SEMA3D: variants seen among roughly 807,000 people sequenced by gnomAD.
SEMA3D encodes semaphorin-3D.
In SEMA3D, 84 loss-of-function variants were observed where a neutral mutation model predicts 100.1. That is an observed-to-expected ratio of 0.84 (90% CI 0.70 to 1.01). The LOEUF is 1.01. Ranked by LOEUF, SEMA3D falls within the 50% of genes least tolerant of loss-of-function variation. SEMA3D has a pLI of 0.00. For missense variants in SEMA3D, 875 were observed against 934.1 expected (o/e 0.94, Z 0.82); for synonymous variants, 312 against 320.7 (o/e 0.97, Z 0.29).
At chr7:85,050,498 T>C (rs1284058711) in intron 9 of SEMA3D, 2 of 312,004 alleles carry the variant, frequency 6.4e-6, no homozygotes, top group Non-Finnish European at 1.2e-5. Flanking sequence ...CTCTACCATG[T>C]ATAATTATAA....
At chr7:85,179,421 G>C (rs950381867) in intron 1 of SEMA3D, among the ~76,000 whole-genome samples, 1 of 152,184 alleles carries the variant, frequency 6.6e-6, no homozygotes, top group Non-Finnish European at 1.5e-5. Flanking sequence ...ACCTGGATAT[G>C]AGACATGGAG....
Position 85,015,213 on chromosome 7 carries a change from G to A in SEMA3D, c.1549C>T (p.Gln517Ter). The change falls in exon 16 of 19, where the codon CAA (glutamine) becomes TAA (stop). Residue 517 changes from glutamine (Q) to a stop codon, truncating the protein, a stop_gained. Coordinates refer to ENST00000284136, the MANE Select transcript of SEMA3D (RefSeq NM_001384900.1). LOFTEE classifies it high-confidence loss of function. ...CCATCTCGGGAACCAATGTACAATT[G>A]TTGCTGCAAATCGGGCAAAACAAAT... ...LNMELSLKQQ[Q>*]LYIGSRDGLV... 5 of 1,605,690 alleles carry A rather than the reference G, an allele frequency of 3.1e-6. No homozygotes were observed. The highest frequency in any genetic ancestry group is 4.3e-6 in the Non-Finnish European group (5 of 1,173,764).
rs552222600 is a variant in SEMA3D at position 85,129,060 on chromosome 7, T to G, written c.-40-7129A>C. Among the ~76,000 whole-genome samples the G allele has an allele frequency of 5.9e-5, 9 of 151,880 alleles. No individual in the cohort carries two copies. In the South Asian group the frequency reaches 1.9e-3, roughly 32 times the overall value. ...GCATGTGCCACTTGCCCAGCTAATT[T>G]TTTTTTGTAGAGATAGGGTCTCACT... On this transcript the variant is annotated intron_variant, in intron 2 of 18. Coordinates refer to ENST00000284136, the MANE Select transcript of SEMA3D (RefSeq NM_001384900.1).
chr7:85,216,872 G>A, the SEMA3D span, among the ~76,000 whole-genome samples: 1 of 151,448 alleles, frequency 6.6e-6, no homozygotes, highest in East Asian at 1.9e-4. Context: ...GAATTCTTAA[G>A]ATCTCCCACC....
At chr7:85,235,554 T>G in the SEMA3D span, among the ~76,000 whole-genome samples, 10,261 of 152,196 alleles carry the variant, frequency 0.067, 922 homozygotes, top group African/African-American at 0.2. Context: ...AGGGAATAAT[T>G]TTTCTTTATT....
chr7:85,176,065 G>A (rs1210784202), intron 1 of SEMA3D, among the ~76,000 whole-genome samples: 8 of 150,698 alleles, frequency 5.3e-5, no homozygotes, highest in African/African-American at 1.5e-4. Flanking sequence ...ATTGATAGAA[G>A]TTTAAAAAAA....
intron 2 of SEMA3D, among the ~76,000 whole-genome samples, chr7:85,130,469 A>G (rs555634580): frequency 1.3e-5 from 2 of 152,296 alleles, no homozygotes; most frequent in East Asian, 3.9e-4. Context: ...ACTATAAGGT[A>G]AACATTATAG....
chr7:85,018,118 A>G lies in SEMA3D; in HGVS notation c.1545+134T>C, dbSNP rs1790154775. 4.4e-6 allele frequency: 3 copies of G among 685,680 alleles called. No individual in the cohort carries two copies. The Admixed American group carries it at 7.5e-5, about 17-fold the overall frequency. 42.5% of individuals were successfully genotyped at this position (685,680 alleles called of 1,614,324 possible). A position where few individuals can be genotyped will look rare whatever the true frequency, so the allele number is the denominator to read the frequency against. The stretch of plus-strand genomic sequence containing the variant: ...CTGAAACAATGGTCTCTAATGAATT[A>G]CAAGAGAAACAAATAATGTTTTAAA... On this transcript the variant is annotated intron_variant, in intron 15 of 18. Transcript: ENST00000284136.
chr7:85,177,589 T>C (rs1791274608), intron 1 of SEMA3D, among the ~76,000 whole-genome samples: 1 of 152,150 alleles, frequency 6.6e-6, no homozygotes, highest in African/African-American at 2.4e-5. Context: ...CACATATTTT[T>C]TAAGTGCTTA....
chr7:85,100,999 T>C (rs138954189), intron 3 of SEMA3D, among the ~76,000 whole-genome samples: 193 of 152,112 alleles, frequency 1.3e-3, no homozygotes, highest in African/African-American at 4.4e-3. Flanking sequence ...TTCAATCATT[T>C]TTCAGACTAG....
intron 12 of SEMA3D, 90 bp downstream of exon 12, chr7:85,036,799 G>T: frequency 2.0e-6 from 2 of 1,001,200 alleles, no homozygotes; most frequent in Non-Finnish European, 2.9e-6. Flanking sequence ...AGCACATGTG[G>T]CTCTGGTGAA....
intron 8 of SEMA3D, among the ~76,000 whole-genome samples, chr7:85,061,631 G>A (rs892516604): frequency 6.6e-6 from 1 of 151,942 alleles, no homozygotes; most frequent in Non-Finnish European, 1.5e-5. Context: ...CTGGAAAATC[G>A]CCCATTTCTC....
chr7:85,082,789 A>C (rs2116239697), intron 4 of SEMA3D, among the ~76,000 whole-genome samples: 1 of 152,334 alleles, frequency 6.6e-6, no homozygotes, highest in South Asian at 2.1e-4. Flanking sequence ...AATTATTGAG[A>C]TTTTAAACCG....
At chr7:85,150,376 A>G (rs943494405) in intron 2 of SEMA3D, among the ~76,000 whole-genome samples, 1 of 142,740 alleles carries the variant, frequency 7.0e-6, no homozygotes, top group Non-Finnish European at 1.5e-5. Context: ...TATTATATAT[A>G]TATACACACA....
Position 85,022,524 on chromosome 7 carries a change from C to T in SEMA3D, c.1281G>A (p.Met427Ile), listed in dbSNP as rs560913136. 9.3e-6 allele frequency: 15 copies of T among 1,612,452 alleles called. No homozygotes were observed. The highest frequency in any genetic ancestry group is 6.7e-5 in the African/African-American group (5 of 74,902). ...CTGCAACTGGGTATACGGACTTATA[C>T]ATCACAGAGTGCCGCTTTATGAAAC... ...VISFIKRHSV[M>I]YKSVYPVAGG... Residue 427 changes from methionine to isoleucine, a missense_variant, in exon 13 of 19, where the codon ATG (methionine) becomes ATA (isoleucine). Physicochemically the swap from Met to Ile is conservative, Grantham distance 10. Coordinates refer to ENST00000284136, the MANE Select transcript of SEMA3D (RefSeq NM_001384900.1).
At chr7:85,172,883 T>G (rs1791122632) in intron 1 of SEMA3D, among the ~76,000 whole-genome samples, 1 of 152,080 alleles carries the variant, frequency 6.6e-6, no homozygotes, top group African/African-American at 2.4e-5. Flanking sequence ...GTCATTTTGT[T>G]TCCCCTCACT....
intron 4 of SEMA3D, among the ~76,000 whole-genome samples, chr7:85,091,111 A>C (rs898781085): frequency 7.1e-6 from 1 of 141,428 alleles, no homozygotes; most frequent in African/African-American, 2.6e-5. Context: ...AGAGGGAGGG[A>C]GGGAAAGAAG....
intron 2 of SEMA3D, chr7:85,140,684 T>C (rs1790021858): frequency 1.0e-6 from 1 of 980,714 alleles, no homozygotes; most frequent in Middle Eastern, 5.3e-4. Context: ...GTGCTTCTGT[T>C]AAGGAGTCAT....
At position 84,998,483 on chromosome 7, in the gene SEMA3D, T is replaced by C. The variant is rs1289611134; in HGVS notation, c.*957A>G. 2 of 152,142 alleles carry C rather than the reference T, an allele frequency of 1.3e-5. No homozygotes were observed. The highest frequency in any genetic ancestry group is 1.9e-4 in the East Asian group (1 of 5,192). 9.4% of individuals were successfully genotyped at this position (152,142 alleles called of 1,614,324 possible). Reference sequence around the variant, plus strand: ...TGAATTACAAATTGGCAGCTACTTATACCCTAGTGAAAAGAGCTCCATTAC... The same window carrying C: ...TGAATTACAAATTGGCAGCTACTTACACCCTAGTGAAAAGAGCTCCATTAC... On this transcript the variant is annotated 3_prime_UTR_variant, in exon 19 of 19. Coordinates refer to ENST00000284136, the MANE Select transcript of SEMA3D (RefSeq NM_001384900.1).
Sources: allele counts gnomAD v4.1 joint callset (sites outside exome capture counted in the v4.1 genomes callset), GRCh38; gene constraint gnomAD v4.1.1; transcripts MANE v1.5; gene names NCBI Gene and HGNC (gene_info 2026-07-23, HGNC 2026-07-21).